The following PDE1A variants were observed in gnomAD, a reference collection of about 807,000 sequenced individuals.
The protein encoded by PDE1A is dual specificity calcium/calmodulin-dependent 3',5'-cyclic nucleotide phosphodiesterase 1A.
PDE1A carries 35 observed loss-of-function variants against 61.7 expected under a neutral mutation model. The observed-to-expected ratio is 0.57, with a 90% confidence interval of 0.43 to 0.75. The LOEUF is 0.75. Among genes scored for constraint, PDE1A ranks in the 30% least tolerant of loss-of-function variants. The probability of loss-of-function intolerance (pLI) is 0.00; values close to 1 mark genes in which losing one functional copy is unlikely to be tolerated. For synonymous variants in PDE1A, 232 were observed against 213.2 expected (o/e 1.09, Z -0.77); for missense variants, 597 against 630.6 (o/e 0.95, Z 0.57).
intron 13 of PDE1A, among the ~76,000 whole-genome samples, chr2:182,151,822 C>T (rs983982880): frequency 1.3e-5 from 2 of 152,238 alleles, no homozygotes; most frequent in Middle Eastern, 3.4e-3. Context: ...ATTTTGCACT[C>T]GTTATTTTTG....
At chr2:182,248,626 G>A (rs949415684) in intron 2 of PDE1A, among the ~76,000 whole-genome samples, 2 of 152,148 alleles carry the variant, frequency 1.3e-5, no homozygotes, top group African/African-American at 4.8e-5. Flanking sequence ...AGGCGGCCAC[G>A]GAAGGAGAGG....
chr2:182,454,303 T>C (rs1685744657), intron 2 of PDE1A, among the ~76,000 whole-genome samples: 1 of 152,092 alleles, frequency 6.6e-6, no homozygotes. Flanking sequence ...TCCATGCTCA[T>C]GGGTAGGAAG....
chr2:182,335,660 A>G (rs1697752223), intron 1 of PDE1A, among the ~76,000 whole-genome samples: 1 of 152,248 alleles, frequency 6.6e-6, no homozygotes, highest in South Asian at 2.1e-4. Context: ...TAAATCATAA[A>G]AACCCTAGAA....
chr2:182,497,995 G>A (rs1025755327), intron 2 of PDE1A, among the ~76,000 whole-genome samples: 3 of 141,430 alleles, frequency 2.1e-5, no homozygotes, highest in Non-Finnish European at 4.5e-5. Flanking sequence ...GCAATGAGCC[G>A]AGATCGCGCC....
intron 2 of PDE1A, among the ~76,000 whole-genome samples, chr2:182,440,587 CAA>C (rs60162773): frequency 0.13 from 19,815 of 151,926 alleles, 1,713 homozygotes; most frequent in Non-Finnish European, 0.2. Flanking sequence ...ATTATTAAAA[CAA>C]GATATATTCT....
At chr2:182,522,226 TTAA>T in intron 2 of PDE1A, 2 of 1,482,532 alleles carry the variant, frequency 1.3e-6, no homozygotes, top group Middle Eastern at 1.7e-4. Flanking sequence ...ATTAGTCACG[TTAA>T]TAGTCAAATC....
intron 2 of PDE1A, among the ~76,000 whole-genome samples, chr2:182,516,868 A>C (rs1690233660): frequency 1.3e-5 from 2 of 148,810 alleles, no homozygotes; most frequent in African/African-American, 2.5e-5. Flanking sequence ...GGAGGGAGGA[A>C]GATGAATCTT....
chr2:182,363,549 T>C (rs1358839213), intron 1 of PDE1A, among the ~76,000 whole-genome samples: 1 of 152,006 alleles, frequency 6.6e-6, no homozygotes, highest in East Asian at 1.9e-4. Context: ...GCCATGTGGA[T>C]GTCTGGGAAA....
At chr2:182,557,023 G>A in the PDE1A span, among the ~76,000 whole-genome samples, 37 of 152,190 alleles carry the variant, frequency 2.4e-4, no homozygotes, top group Non-Finnish European at 2.9e-5. Context: ...GGCTGGGCAC[G>A]GTGGCTCATG....
intron 2 of PDE1A, among the ~76,000 whole-genome samples, chr2:182,434,542 C>CT (rs34234948): frequency 8.6e-5 from 13 of 151,114 alleles, no homozygotes; most frequent in South Asian, 8.4e-4. Context: ...AAATGAAGCC[C>CT]TTTTTTTTTC....
the PDE1A span, among the ~76,000 whole-genome samples, chr2:182,570,888 T>C: frequency 6.6e-6 from 1 of 152,174 alleles, no homozygotes; most frequent in African/African-American, 2.4e-5. Context: ...TGTGGAGCAC[T>C]GGGTAAGTCA....
At chr2:182,419,480 C>T (rs989310132) in intron 1 of PDE1A, among the ~76,000 whole-genome samples, 5 of 151,928 alleles carry the variant, frequency 3.3e-5, no homozygotes, top group Non-Finnish European at 5.9e-5. Flanking sequence ...GGACTACAGG[C>T]GTGTGCCACC....
At chr2:182,661,636 T>C in the PDE1A span, among the ~76,000 whole-genome samples, 3 of 152,218 alleles carry the variant, frequency 2.0e-5, no homozygotes, top group East Asian at 3.9e-4. Flanking sequence ...AAAATTGACA[T>C]TATTATCAGA....
intron 1 of PDE1A, among the ~76,000 whole-genome samples, chr2:182,379,970 CTTTTAA>C (rs1700630208): frequency 6.6e-6 from 1 of 152,146 alleles, no homozygotes; most frequent in African/African-American, 2.4e-5. Flanking sequence ...ATCACATTTT[CTTTTAA>C]TTTTGTTTTC....
chr2:182,657,046 A>T, the PDE1A span, among the ~76,000 whole-genome samples: 1 of 152,084 alleles, frequency 6.6e-6, no homozygotes, highest in East Asian at 1.9e-4. Context: ...AACATGGTGA[A>T]ACCCCCTCTC....
chr2:182,510,122 G>A (rs1049060468), intron 2 of PDE1A, among the ~76,000 whole-genome samples: 7 of 151,388 alleles, frequency 4.6e-5, no homozygotes, highest in Non-Finnish European at 8.8e-5. Context: ...GCTTTTTGTC[G>A]GCCTATTTAG....
At chr2:182,311,211 A>G (rs938149050) in intron 1 of PDE1A, among the ~76,000 whole-genome samples, 1 of 152,206 alleles carries the variant, frequency 6.6e-6, no homozygotes, top group Non-Finnish European at 1.5e-5. Context: ...CTTTTCATCT[A>G]TTTAGATAGA....
At chr2:182,356,448 G>T (rs1302761650) in intron 1 of PDE1A, among the ~76,000 whole-genome samples, 1 of 152,058 alleles carries the variant, frequency 6.6e-6, no homozygotes, top group African/African-American at 2.4e-5. Context: ...TTAAAATAGA[G>T]ATTTCTCATT....
At chr2:182,384,469 A>C (rs1700913122) in intron 1 of PDE1A, among the ~76,000 whole-genome samples, 1 of 148,630 alleles carries the variant, frequency 6.7e-6, no homozygotes, top group African/African-American at 2.4e-5. Context: ...AATAATAATA[A>C]TAATAATAAT....
Sources: gnomAD v4.1 joint callset for allele counts (sites outside exome capture counted in the v4.1 genomes callset) on GRCh38, gnomAD v4.1.1 for gene constraint, MANE v1.5 for transcripts, NCBI Gene and HGNC (gene_info 2026-07-23, HGNC 2026-07-21) for gene names.